BTN2A1: variants seen among roughly 807,000 people sequenced by gnomAD.
BTN2A1 encodes butyrophilin subfamily 2 member A1, also known as butyrophilin, subfamily 2, member A1.
A neutral mutation model predicts 34.5 loss-of-function variants in BTN2A1; 41 were observed. The observed-to-expected ratio is 1.19, with a 90% CI of 0.93 to 1.54. The LOEUF (loss-of-function observed/expected upper bound fraction) is 1.54. BTN2A1 is among the 40% of genes most tolerant of loss of function. The pLI, the probability that BTN2A1 is intolerant of heterozygous loss-of-function variation, is 0.00. For missense variants in BTN2A1, 642 were observed against 662.0 expected (o/e 0.97, Z 0.33); for synonymous variants, 267 against 258.6 (o/e 1.03, Z -0.31).
rs144358349 is a variant in BTN2A1 at position 26,463,408 on chromosome 6, G to A, written c.595G>A (p.Gly199Ser). 1.1e-4 allele frequency: 182 copies of A among 1,614,118 alleles called. 1 individual carries two copies. Among genetic ancestry groups the A allele is most frequent in the South Asian group, 4.2e-4 (38 of 91,080 alleles). Reference sequence around the variant, plus strand: ...AGAGGTCTCCATGCCTGATGCAGACGGCCTCTTCATGGTCACCACGGCTGT... The same window carrying A: ...AGAGGTCTCCATGCCTGATGCAGACAGCCTCTTCATGGTCACCACGGCTGT... Reference protein sequence around the residue: ...LKEVSMPDADGLFMVTTAVII... With the variant: ...LKEVSMPDADSLFMVTTAVII... The change falls in exon 4 of 8, where the codon GGC becomes AGC. Residue 199 changes from glycine (G) to serine (S), a missense_variant. By Grantham distance (56) the Gly-to-Ser change is moderately conservative. Coordinates refer to ENST00000312541, the MANE Select transcript of BTN2A1 (RefSeq NM_007049.5).
At chr6:26,476,260 GAA>G in exon 8 of BTN2A1, 4 of 1,316,220 alleles carry the variant, frequency 3.0e-6, no homozygotes, top group Non-Finnish European at 4.2e-6. Flanking sequence ...CTCCAAGTTG[GAA>G]AGAACTGCTG....
chr6:26,460,111 T>G (rs1011878755), intron 3 of BTN2A1, among the ~76,000 whole-genome samples: 8 of 152,064 alleles, frequency 5.3e-5, no homozygotes, highest in African/African-American at 1.9e-4. Context: ...AAGAGAAGTC[T>G]TATACCTGCC....
At chr6:26,474,621 G>C (rs187709720), downstream of BTN2A1, among the ~76,000 whole-genome samples, 1 of 152,202 alleles carries the variant, frequency 6.6e-6, no homozygotes, top group Admixed American at 6.5e-5. Flanking sequence ...AAAGGGGTGA[G>C]GATGGAGAGG....
In BTN2A1 at chr6:26,468,929, G is replaced by C; in HGVS notation, c.*380G>C. Reference sequence around the variant, plus strand: ...ATATGGACTTGGAATGAGGCCTACAGGGTTCACCAGGATGTAAGAGGAGAG... The same window carrying C: ...ATATGGACTTGGAATGAGGCCTACACGGTTCACCAGGATGTAAGAGGAGAG... On this transcript the variant is annotated 3_prime_UTR_variant, in exon 8 of 8. Transcript: ENST00000312541. 7 of 1,247,388 alleles carry C rather than the reference G, an allele frequency of 5.6e-6. No homozygotes were observed. Among genetic ancestry groups the C allele is most frequent in the Non-Finnish European group, 7.2e-6 (7 of 976,918 alleles). 77.3% of individuals were successfully genotyped at this position (1,247,388 alleles called of 1,614,324 possible).
At chr6:26,474,873 G>A (rs748592318) in intron 7 of BTN2A1, among the ~76,000 whole-genome samples, 1 of 151,362 alleles carries the variant, frequency 6.6e-6, no homozygotes, top group East Asian at 1.9e-4. Flanking sequence ...CTCAGCCTCC[G>A]GAGTAGCTGG....
chr6:26,472,028 T>G (rs1297317819), downstream of BTN2A1, among the ~76,000 whole-genome samples: 1 of 152,250 alleles, frequency 6.6e-6, no homozygotes, highest in Non-Finnish European at 1.5e-5. Flanking sequence ...TCTTTTCATG[T>G]CAATAAATAT....
In BTN2A1 at chr6:26,459,556, T is replaced by C. The variant is rs548491296; in HGVS notation, c.158T>C (p.Leu53Pro). 28 of 1,613,984 alleles carry C rather than the reference T, an allele frequency of 1.7e-5. No homozygotes were observed. The highest frequency in any genetic ancestry group is 2.3e-5 in the Non-Finnish European group (27 of 1,179,992). The change falls in exon 3 of 8, where the codon CTG becomes CCG. Residue 53 changes from leucine (L) to proline (P), a missense_variant. Physicochemically the swap from Leu to Pro is moderately conservative, Grantham distance 98 (BLOSUM62 -3). Transcript: ENST00000312541. ...VGENTTLRCH[L>P]SPEKNAEDME... The stretch of plus-strand genomic sequence containing the variant: ...GAAAACACTACGTTACGCTGCCATC[T>C]GTCACCCGAGAAAAATGCTGAGGAC...
downstream of BTN2A1, among the ~76,000 whole-genome samples, chr6:26,471,781 G>A (rs946118487): frequency 6.6e-6 from 1 of 152,226 alleles, no homozygotes; most frequent in Non-Finnish European, 1.5e-5. Context: ...CAAAGGTTCA[G>A]TTGTGGATAC....
chr6:26,460,923 C>G (rs1763148131), intron 3 of BTN2A1, among the ~76,000 whole-genome samples: 1 of 152,032 alleles, frequency 6.6e-6, no homozygotes, highest in East Asian at 1.9e-4. Flanking sequence ...AATTAAACAA[C>G]AACAAAAAAG....
chr6:26,462,831 C>G, intron 3 of BTN2A1: 3 of 1,282,768 alleles, frequency 2.3e-6, no homozygotes, highest in Non-Finnish European at 3.1e-6. Flanking sequence ...GAGAAGTCGT[C>G]CCAGAAGCAG....
Position 26,459,516 on chromosome 6 carries a change from T to C in BTN2A1, c.118T>C (p.Leu40=), listed in dbSNP as rs367722197. The change falls in exon 3 of 8, where the codon TTG becomes CTG. Residue 40 remains leucine, a synonymous_variant. Coordinates refer to ENST00000312541, the MANE Select transcript of BTN2A1 (RefSeq NM_007049.5). ...TGTCGTGGGGCCCACTGATCCCATC[T>C]TGGCCACGGTTGGAGAAAACACTAC... ...FIVVGPTDPI[L]ATVGENTTLR... 3.0e-5 allele frequency: 49 copies of C among 1,613,868 alleles called. No individual in the cohort carries two copies. The highest frequency in any genetic ancestry group is 5.1e-6 in the Non-Finnish European group (6 of 1,179,882).
chr6:26,470,071 G>T (rs1763421880), downstream of BTN2A1, among the ~76,000 whole-genome samples: 1 of 152,104 alleles, frequency 6.6e-6, no homozygotes, highest in Non-Finnish European at 1.5e-5. Context: ...ACACAGGTCG[G>T]GCACGGTGGC....
downstream of BTN2A1, among the ~76,000 whole-genome samples, chr6:26,471,649 AGAAGGAAGGAAGGAAAGGAAGGAAG>A (rs1484539543): frequency 1.8e-4 from 26 of 148,090 alleles, no homozygotes; most frequent in Non-Finnish European, 2.9e-4. Context: ...GAAAAGAGAG[AGAAGGAAGGAAGGAAAGGAAGGAAG>A]GAAGGAAGGA....
Position 26,468,211 on chromosome 6 carries a change from A to C in BTN2A1, c.1246A>C (p.Ile416Leu), listed in dbSNP as rs1489630624. 6.2e-7 allele frequency: 1 copy of C among 1,614,052 alleles called. No homozygotes were observed. The highest frequency in any genetic ancestry group is 8.5e-7 in the Non-Finnish European group (1 of 1,180,026). The part of the protein sequence containing the change: ...SVERKGEVLL[I>L]PQNGFWTLEM... ...TGAGAGGAAAGGGGAGGTCCTGCTG[A>C]TTCCTCAGAATGGCTTCTGGACCTT... Residue 416 changes from isoleucine to leucine, a missense_variant, in exon 8 of 8, where the codon ATT becomes CTT. Physicochemically the swap from Ile to Leu is conservative, Grantham distance 5. Transcript: ENST00000312541.
At position 26,469,175 on chromosome 6, in the gene BTN2A1, G is replaced by T; in HGVS notation, c.*626G>T. 1 of 1,056,802 alleles carries T rather than the reference G, an allele frequency of 9.5e-7. No individual in the cohort carries two copies. The highest frequency in any genetic ancestry group is 1.1e-6 in the Non-Finnish European group (1 of 872,822). The allele number at this position is 1,056,802 out of a possible 1,614,324, so 65.5% of individuals were successfully genotyped here. On this transcript the variant is annotated 3_prime_UTR_variant, in exon 8 of 8. Transcript: ENST00000312541. ...TGGACCTGGGATGAAGATGAATGAA[G>T]AACATGGATGCACGTGGATGTAGTT... is the stretch of plus-strand genomic sequence containing the variant.
In BTN2A1 at chr6:26,468,864, G is replaced by T; in HGVS notation, c.*315G>T. 2.1e-6 allele frequency: 3 copies of T among 1,449,912 alleles called. No individual in the cohort carries two copies. The highest frequency in any genetic ancestry group is 2.8e-6 in the Non-Finnish European group (3 of 1,087,524). 89.8% of individuals were successfully genotyped at this position (1,449,912 alleles called of 1,614,324 possible). A position where few individuals can be genotyped will look rare whatever the true frequency, so the allele number is the denominator to read the frequency against. On this transcript the variant is annotated 3_prime_UTR_variant, in exon 8 of 8. Coordinates refer to ENST00000312541, the MANE Select transcript of BTN2A1 (RefSeq NM_007049.5). The stretch of plus-strand genomic sequence containing the variant: ...AGCAAACCTGCTGTTTAACATCAGG[G>T]TGACCACATTAAGCCCAGTATTCCA...
intron 2 of BTN2A1, among the ~76,000 whole-genome samples, chr6:26,459,067 C>T (rs1763088872): frequency 6.6e-6 from 1 of 152,060 alleles, no homozygotes; most frequent in Non-Finnish European, 1.5e-5. Context: ...AGATAGTCAA[C>T]ATTTTGAAAT....
Position 26,469,021 on chromosome 6 carries a change from A to G in BTN2A1, c.*472A>G, listed in dbSNP as rs1463393320. The G allele has an allele frequency of 8.5e-7, 1 of 1,179,846 alleles. No homozygotes were observed. Among genetic ancestry groups the G allele is most frequent in the Non-Finnish European group, 1.1e-6 (1 of 938,140 alleles). 73.1% of individuals were successfully genotyped at this position (1,179,846 alleles called of 1,614,324 possible). A position where few individuals can be genotyped will look rare whatever the true frequency, so the allele number is the denominator to read the frequency against. On this transcript the variant is annotated 3_prime_UTR_variant, in exon 8 of 8. Transcript: ENST00000312541. Reference sequence around the variant, plus strand: ...TGCAGATCAGAGATAGAGGAAGTGGAACCAGAGAGCTGGGAGGGACCAAGG... The same window carrying G: ...TGCAGATCAGAGATAGAGGAAGTGGGACCAGAGAGCTGGGAGGGACCAAGG...
At chr6:26,463,900 C>T (rs1332423125) in intron 4 of BTN2A1, among the ~76,000 whole-genome samples, 1 of 152,072 alleles carries the variant, frequency 6.6e-6, no homozygotes, top group Non-Finnish European at 1.5e-5. Flanking sequence ...CTCCCAGGTT[C>T]AAGCAATTCT....
Sources: gnomAD v4.1 joint callset for allele counts (sites outside exome capture counted in the v4.1 genomes callset) on GRCh38, gnomAD v4.1.1 for gene constraint, MANE v1.5 for transcripts, NCBI Gene and HGNC (gene_info 2026-07-23, HGNC 2026-07-21) for gene names.